The following B3GALNT1 variants were observed in gnomAD, a reference collection of about 807,000 sequenced individuals.
B3GALNT1 encodes UDP-GalNAc:beta-1,3-N-acetylgalactosaminyltransferase 1.
In B3GALNT1, 17 loss-of-function variants were observed where a neutral mutation model predicts 27.3. That is an observed-to-expected ratio of 0.62 (90% CI 0.43 to 0.94). The LOEUF (loss-of-function observed/expected upper bound fraction) is 0.94. Among genes scored for constraint, B3GALNT1 ranks in the 40% least tolerant of loss-of-function variants. The pLI, the probability that B3GALNT1 is intolerant of heterozygous loss-of-function variation, is 0.00. For synonymous variants in B3GALNT1, 141 were observed against 144.0 expected (o/e 0.98, Z 0.15); for missense variants, 347 against 390.0 (o/e 0.89, Z 0.93).
chr3:161,103,929 G>C, intron 2 of B3GALNT1: 1 of 186,368 alleles, frequency 5.4e-6, no homozygotes, highest in Non-Finnish European at 1.1e-5. Flanking sequence ...GTTTCACCAC[G>C]TTGGCCAAGC....
Position 161,086,260 on chromosome 3 carries a change from C to A in B3GALNT1, c.495G>T (p.Trp165Cys). 1.2e-6 allele frequency: 2 copies of A among 1,614,094 alleles called. No individual in the cohort carries two copies. The highest frequency in any genetic ancestry group is 1.7e-6 in the Non-Finnish European group (2 of 1,180,016). ...TGGCATTGGGGCAAAACTCAGTTACCCACCTGAATGCCATAATGGTTTTCA... is the reference window on the plus strand; with the variant it reads ...TGGCATTGGGGCAAAACTCAGTTACACACCTGAATGCCATAATGGTTTTCA... ...LTLKTIMAFR[W>C]VTEFCPNAKY... Residue 165 changes from tryptophan (W) to cysteine (C), a missense_variant, in exon 5 of 5, where the codon TGG becomes TGT. Trp to Cys is a radical substitution (Grantham distance 215, BLOSUM62 -2). Coordinates refer to ENST00000320474, the MANE Select transcript of B3GALNT1 (RefSeq NM_003781.4).
At chr3:161,087,699 T>C (rs1454526703) in intron 4 of B3GALNT1, among the ~76,000 whole-genome samples, 2 of 152,152 alleles carry the variant, frequency 1.3e-5, no homozygotes, top group Admixed American at 6.5e-5. Flanking sequence ...GACAGCTCTG[T>C]TCCTGATCTC....
rs1396055461 is a variant in B3GALNT1 at position 161,086,403 on chromosome 3, A to G, written c.352T>C (p.Leu118=). 4 of 1,614,114 alleles carry G rather than the reference A, an allele frequency of 2.5e-6. No homozygotes were observed. The highest frequency in any genetic ancestry group is 1.7e-5 in the Admixed American group (1 of 60,032). ...TCTTCCTTTTCAGCCTCTTGGCCTA[A>G]TAAGAAAAATGTAAGAACCTCATAT... is the stretch of plus-strand genomic sequence containing the variant. The part of the protein sequence containing the change: ...WGYEVLTFFL[L]GQEAEKEDKM... Residue 118 remains leucine, a synonymous_variant, in exon 5 of 5, where the codon TTA becomes CTA. Transcript: ENST00000320474.
At chr3:161,091,548 A>C (rs1725110598) in intron 4 of B3GALNT1, among the ~76,000 whole-genome samples, 1 of 152,144 alleles carries the variant, frequency 6.6e-6, no homozygotes, top group South Asian at 2.1e-4. Flanking sequence ...TATGCTACCC[A>C]CCTGTTAGTC....
rs149136723 is a variant in B3GALNT1 at position 161,086,725 on chromosome 3, C to T, written c.30G>A (p.Pro10=). 1.5e-5 allele frequency: 25 copies of T among 1,613,878 alleles called. No individual in the cohort carries two copies. The African/African-American group carries it at 2.7e-4, about 17-fold the overall frequency. MASALWTVL[P]SRMSLRSLKW... The stretch of plus-strand genomic sequence containing the variant: ...TGAGGGATCTCAGTGACATCCTACT[C>T]GGAAGGACAGTCCAGAGAGCCGAGG... Residue 10 remains proline (P), a synonymous_variant, in exon 5 of 5, where the codon CCG becomes CCA. Transcript: ENST00000320474.
chr3:161,103,267 A>G (rs1732384341), intron 3 of B3GALNT1, 160 bp downstream of exon 3: 2 of 249,842 alleles, frequency 8.0e-6, no homozygotes, highest in Middle Eastern at 6.0e-4. Context: ...GTAGAGCTTC[A>G]CTCTTGAATT....
In B3GALNT1 at chr3:161,086,877, TAGG is replaced by T. The variant is rs1190853733; in HGVS notation, c.-34-92_-34-90del. On this transcript the variant is annotated intron_variant, in intron 4 of 4. Coordinates refer to ENST00000320474, the MANE Select transcript of B3GALNT1 (RefSeq NM_003781.4). ...TGACTATCTACTCAAGGAGAAAGAG[TAGG>T]AGAACAGAATCTCCAGAGTAAAACA... is the stretch of plus-strand genomic sequence containing the variant. The T allele has an allele frequency of 8.1e-6, 11 of 1,365,172 alleles. No individual in the cohort carries two copies. In the East Asian group the frequency reaches 2.5e-4, roughly 31 times the overall value. 84.6% of individuals were successfully genotyped at this position (1,365,172 alleles called of 1,614,324 possible). A position where few individuals can be genotyped will look rare whatever the true frequency, so the allele number is the denominator to read the frequency against.
chr3:161,091,037 G>A (rs1463570022), intron 4 of B3GALNT1, among the ~76,000 whole-genome samples: 1 of 152,104 alleles, frequency 6.6e-6, no homozygotes. Flanking sequence ...GGAGGCTAAG[G>A]TGGGAGGATC....
At chr3:161,094,973 T>A (rs1304199511) in intron 4 of B3GALNT1, among the ~76,000 whole-genome samples, 1 of 152,148 alleles carries the variant, frequency 6.6e-6, no homozygotes, top group Non-Finnish European at 1.5e-5. Context: ...CCGTTCTTTT[T>A]TATTCTTTTA....
Position 161,086,584 on chromosome 3 carries a change from C to G in B3GALNT1, c.171G>C (p.Pro57=). 1.2e-6 allele frequency: 2 copies of G among 1,614,116 alleles called. No individual in the cohort carries two copies. Among genetic ancestry groups the G allele is most frequent in the Non-Finnish European group, 1.7e-6 (2 of 1,180,036 alleles). ...TGAAGTGAAAGTCTTGTCTGTAAAT[C>G]GGCTCATACTCATAGAAGTACATCC... is the stretch of plus-strand genomic sequence containing the variant. ...VNWMYFYEYE[P]IYRQDFHFTL... The change falls in exon 5 of 5, where the codon CCG becomes CCC. Residue 57 remains proline, a synonymous_variant. Transcript: ENST00000320474.
intron 1 of B3GALNT1, chr3:161,104,721 C>A (rs1733369951): frequency 5.6e-6 from 1 of 178,326 alleles, no homozygotes. Context: ...ATCCCTGCGC[C>A]GGGGCCCTTC....
intron 4 of B3GALNT1, among the ~76,000 whole-genome samples, chr3:161,097,836 G>GA (rs570510531): frequency 1.4e-3 from 217 of 152,290 alleles, no homozygotes; most frequent in African/African-American, 4.8e-3. Context: ...CTACTTTGAG[G>GA]ATTGTGCATA....
intron 4 of B3GALNT1, among the ~76,000 whole-genome samples, chr3:161,091,750 G>T (rs1362911444): frequency 6.6e-6 from 1 of 152,168 alleles, no homozygotes; most frequent in Non-Finnish European, 1.5e-5. Flanking sequence ...GGTAGGGTGT[G>T]GTACTATCAT....
chr3:161,085,036 C>G lies in B3GALNT1; in HGVS notation c.*723G>C, dbSNP rs1297706732. On this transcript the variant is annotated 3_prime_UTR_variant, in exon 5 of 5. Coordinates refer to ENST00000320474, the MANE Select transcript of B3GALNT1 (RefSeq NM_003781.4). Reference sequence around the variant, plus strand: ...TATATTACCACAGTAAAATATTTAACAAAGTCCAAGAGATTACTGATATGC... The same window carrying G: ...TATATTACCACAGTAAAATATTTAAGAAAGTCCAAGAGATTACTGATATGC... The G allele has an allele frequency of 6.6e-6, 1 of 152,138 alleles. No individual in the cohort carries two copies. The highest frequency in any genetic ancestry group is 1.9e-4 in the East Asian group (1 of 5,196). The allele number at this position is 152,138 out of a possible 1,614,324, so 9.4% of individuals were successfully genotyped here.
chr3:161,093,755 T>G (rs1429087671), intron 4 of B3GALNT1, among the ~76,000 whole-genome samples: 1 of 152,082 alleles, frequency 6.6e-6, no homozygotes, highest in Admixed American at 6.6e-5. Context: ...TCCCAGGACT[T>G]TAGGAGGCTA....
chr3:161,089,152 G>A (rs1341766713), intron 4 of B3GALNT1, among the ~76,000 whole-genome samples: 3 of 152,192 alleles, frequency 2.0e-5, no homozygotes, highest in African/African-American at 7.2e-5. Context: ...TGTATCTCTT[G>A]AAGCCTCAGT....
rs760298952 is a variant in B3GALNT1 at position 161,086,140 on chromosome 3, T to G, written c.615A>C (p.Thr205=). The G allele has an allele frequency of 3.7e-6, 6 of 1,612,046 alleles. No homozygotes were observed. In the South Asian group the frequency reaches 6.6e-5, roughly 18 times the overall value. ...AATAATTATCAATTAGAGGATAACC[T>G]GTGAAAAACTTCTCTGAGTGGTTTA... ...LNLNHSEKFF[T]GYPLIDNYSY... The change falls in exon 5 of 5, where the codon ACA becomes ACC. Residue 205 remains threonine, a synonymous_variant. Coordinates refer to ENST00000320474, the MANE Select transcript of B3GALNT1 (RefSeq NM_003781.4).
chr3:161,091,104 C>T (rs1470039008), intron 4 of B3GALNT1, among the ~76,000 whole-genome samples: 2 of 151,810 alleles, frequency 1.3e-5, no homozygotes, highest in African/African-American at 4.8e-5. Flanking sequence ...CCTGTCTCTA[C>T]AAAAGAATAA....
chr3:161,103,793 T>G (rs1349996706), intron 2 of B3GALNT1, among the ~76,000 whole-genome samples: 2 of 152,208 alleles, frequency 1.3e-5, no homozygotes, highest in Non-Finnish European at 2.9e-5. Flanking sequence ...AATGGCACAA[T>G]CTCGGCTCAC....
Sources: allele counts gnomAD v4.1 joint callset (sites outside exome capture counted in the v4.1 genomes callset), GRCh38; gene constraint gnomAD v4.1.1; transcripts MANE v1.5; gene names NCBI Gene and HGNC (gene_info 2026-07-23, HGNC 2026-07-21).